Variants in PDE8B observed in about 807,000 individuals in gnomAD.
The protein encoded by PDE8B is phosphodiesterase 8B, also known as high affinity cAMP-specific and IBMX-insensitive 3',5'-cyclic phosphodiesterase 8B.
PDE8B carries 26 observed loss-of-function variants against 101.3 expected under a neutral mutation model. The observed-to-expected ratio is 0.26, with a 90% CI of 0.19 to 0.36. The LOEUF is 0.36. PDE8B is among the 10% of genes least tolerant of loss of function. The probability of loss-of-function intolerance (pLI) is 1.00; values close to 1 mark genes in which losing one functional copy is unlikely to be tolerated. For missense variants in PDE8B, 810 were observed against 1,163.1 expected, an observed-to-expected ratio of 0.70 and a Z score of 4.42; for synonymous variants, 424 against 429.3, an observed-to-expected ratio of 0.99 and a Z score of 0.15.
the PDE8B span, among the ~76,000 whole-genome samples, chr5:77,202,393 T>C: frequency 2.6e-5 from 4 of 152,200 alleles, no homozygotes; most frequent in Admixed American, 2.6e-4. Flanking sequence ...CCCCTCCTCC[T>C]CTTCCTCCTC....
intron 2 of PDE8B, among the ~76,000 whole-genome samples, chr5:77,321,530 A>G (rs551121550): frequency 6.6e-5 from 10 of 152,286 alleles, no homozygotes; most frequent in African/African-American, 2.4e-4. Context: ...ATTCCCAGAA[A>G]CAGAATATCA....
At chr5:77,267,161 C>T (rs1454816279) in intron 1 of PDE8B, among the ~76,000 whole-genome samples, 1 of 152,070 alleles carries the variant, frequency 6.6e-6, no homozygotes, top group Non-Finnish European at 1.5e-5. Flanking sequence ...AGCAAGAGGC[C>T]AGGCATGGTG....
At chr5:77,339,166 G>C (rs1376185376) in intron 6 of PDE8B, among the ~76,000 whole-genome samples, 2 of 152,166 alleles carry the variant, frequency 1.3e-5, no homozygotes, top group Non-Finnish European at 2.9e-5. Flanking sequence ...TCAGAACTTT[G>C]CAAGTTTCTA....
the PDE8B span, among the ~76,000 whole-genome samples, chr5:77,199,705 G>A: frequency 6.6e-6 from 1 of 152,084 alleles, no homozygotes; most frequent in Admixed American, 6.6e-5. Flanking sequence ...CAAGCCAGGT[G>A]GGTGTTCAGG....
chr5:77,345,131 A>G (rs1779916552), intron 7 of PDE8B, among the ~76,000 whole-genome samples, 200 bp downstream of exon 7: 1 of 152,256 alleles, frequency 6.6e-6, no homozygotes, highest in South Asian at 2.1e-4. Flanking sequence ...ATTACTTCAG[A>G]TCAGAACCTG....
At chr5:77,207,123 A>G (rs1747568369), upstream of PDE8B, among the ~76,000 whole-genome samples, 1 of 152,238 alleles carries the variant, frequency 6.6e-6, no homozygotes, top group Non-Finnish European at 1.5e-5. Flanking sequence ...TAGATTTCCA[A>G]TAGCTCCACC....
chr5:77,404,365 C>T (rs112431347), intron 11 of PDE8B, among the ~76,000 whole-genome samples: 14 of 152,066 alleles, frequency 9.2e-5, no homozygotes, highest in African/African-American at 3.1e-4. Flanking sequence ...CTCAGGTGAT[C>T]CACCCGCCTG....
At chr5:77,294,482 A>G (rs1238899328) in intron 1 of PDE8B, among the ~76,000 whole-genome samples, 1 of 152,224 alleles carries the variant, frequency 6.6e-6, no homozygotes, top group Non-Finnish European at 1.5e-5. Context: ...GTATGCCCAC[A>G]AAGCAGAAGA....
chr5:77,397,847 A>T (rs547062709), intron 10 of PDE8B, among the ~76,000 whole-genome samples: 1 of 152,262 alleles, frequency 6.6e-6, no homozygotes, highest in East Asian at 1.9e-4. Flanking sequence ...GTTGCCCGTG[A>T]CTGCTAGCCA....
Position 77,349,535 on chromosome 5 carries a change from C to T in PDE8B, c.993C>T (p.Ile331=), listed in dbSNP as rs1247979335. ...ACCGGGCAGACCTTCTCGACACCAT[C>T]AATACATGCATCAAGAAGGGAAAGG... ...DKNRADLLDT[I]NTCIKKGKEW... The change falls in exon 8 of 22, where the codon ATC becomes ATT. Residue 331 remains isoleucine (I), a synonymous_variant. Coordinates refer to ENST00000264917, the MANE Select transcript of PDE8B (RefSeq NM_003719.5). 5.0e-6 allele frequency: 8 copies of T among 1,614,150 alleles called. No homozygotes were observed. In the Admixed American group the frequency reaches 1.2e-4, roughly 24 times the overall value.
At chr5:77,290,566 T>G (rs1414335887) in intron 1 of PDE8B, 9 of 1,494,664 alleles carry the variant, frequency 6.0e-6, no homozygotes, top group Non-Finnish European at 8.4e-6. Context: ...ATCCAAGTAC[T>G]AGGAAGCTTG....
chr5:77,395,921 A>T (rs1032323129), intron 10 of PDE8B, among the ~76,000 whole-genome samples: 3 of 152,042 alleles, frequency 2.0e-5, no homozygotes, highest in Non-Finnish European at 4.4e-5. Context: ...CTCAGGGTAA[A>T]CAGATCTGAC....
At chr5:77,226,222 T>G (rs1337567905) in intron 1 of PDE8B, among the ~76,000 whole-genome samples, 2 of 116,022 alleles carry the variant, frequency 1.7e-5, no homozygotes, top group African/African-American at 7.2e-5. Flanking sequence ...GACATTTAGA[T>G]TTTATCTCTG....
rs1049766676 is a variant in PDE8B, at chr5:77,402,508, CTAAAG to C, written c.1211-2207_1211-2203del. Among the ~76,000 whole-genome samples, 36 of 151,874 alleles carry C rather than the reference CTAAAG, an allele frequency of 2.4e-4. 1 individual carries two copies. Among genetic ancestry groups the C allele is most frequent in the Admixed American group, 4.6e-4 (7 of 15,246 alleles). The stretch of plus-strand genomic sequence containing the variant: ...TTAGTTGAATCAGGTTTTTAGGACA[CTAAAG>C]TAAATGGTTAAGAAGGTGGTCTAGA... On this transcript the variant is annotated intron_variant, in intron 11 of 21. Coordinates refer to ENST00000264917, the MANE Select transcript of PDE8B (RefSeq NM_003719.5).
rs1748118204 is a variant in PDE8B at position 77,210,848 on chromosome 5, C to G, written c.-78C>G. On this transcript the variant is annotated 5_prime_UTR_variant, in exon 1 of 22. Coordinates refer to ENST00000264917, the MANE Select transcript of PDE8B (RefSeq NM_003719.5). This position sits in a 1 kb window ranked among gnomAD's most constrained non-coding sequence, Gnocchi z 4.9. Reference sequence around the variant, plus strand: ...CCGGGCGCCGCCGCGGCCGCCCCCTCACTGCAGGTGGCAGCGGGTGCGCTG... The same window carrying G: ...CCGGGCGCCGCCGCGGCCGCCCCCTGACTGCAGGTGGCAGCGGGTGCGCTG... 1.9e-5 allele frequency: 21 copies of G among 1,084,704 alleles called. 1 individual carries two copies. The East Asian group carries it at 1.2e-3, about 61-fold the overall frequency. The allele number at this position is 1,084,704 out of a possible 1,614,324, so 67.2% of individuals were successfully genotyped here.
the PDE8B span, among the ~76,000 whole-genome samples, chr5:77,202,961 G>C: frequency 2.3e-3 from 356 of 152,318 alleles, 4 homozygotes; most frequent in African/African-American, 8.0e-3. Flanking sequence ...GTAGCAGTTG[G>C]TGCCCCTAAC....
At chr5:77,201,953 A>G in the PDE8B span, among the ~76,000 whole-genome samples, 2 of 152,174 alleles carry the variant, frequency 1.3e-5, no homozygotes, top group African/African-American at 4.8e-5. Context: ...CAGGTGGTGC[A>G]TTCTCTCTGT....
the PDE8B span, chr5:77,106,306 A>G: frequency 6.6e-6 from 1 of 152,212 alleles, no homozygotes; most frequent in Non-Finnish European, 1.5e-5. Context: ...TTACTTTTAC[A>G]TGTTGTCTAT....
At chr5:77,342,230 T>C (rs1779332309) in intron 6 of PDE8B, among the ~76,000 whole-genome samples, 1 of 152,234 alleles carries the variant, frequency 6.6e-6, no homozygotes, top group Non-Finnish European at 1.5e-5. Flanking sequence ...GGTATCTACA[T>C]GTGTTGTATT....
Sources: gnomAD v4.1 joint callset for allele counts (sites outside exome capture counted in the v4.1 genomes callset) on GRCh38, gnomAD v4.1.1 for gene constraint, Gnocchi (gnomAD v3.1) non-coding constraint, MANE v1.5 for transcripts, NCBI Gene and HGNC (gene_info 2026-07-23, HGNC 2026-07-21) for gene names.